RAD51B: variants seen among roughly 807,000 people sequenced by gnomAD.
The protein encoded by RAD51B is RAD51 paralog B, also known as DNA repair protein RAD51 homolog 2.
RAD51B carries 38 observed loss-of-function variants against 42.2 expected under a neutral mutation model. The ratio of observed to expected loss-of-function variants is 0.90; its 90% CI spans 0.70 to 1.18. The LOEUF is 1.18. Ranked by LOEUF, RAD51B falls within the 50% of genes most tolerant of loss-of-function variation. The probability of loss-of-function intolerance (pLI) is 0.00; values close to 1 mark genes in which losing one functional copy is unlikely to be tolerated. For missense variants in RAD51B, 373 were observed against 400.7 expected, an observed-to-expected ratio of 0.93 and a Z score of 0.59; for synonymous variants, 154 against 145.2, an observed-to-expected ratio of 1.06 and a Z score of -0.43.
At chr14:68,235,431 G>A (rs2080228708) in intron 7 of RAD51B, among the ~76,000 whole-genome samples, 1 of 151,782 alleles carries the variant, frequency 6.6e-6, no homozygotes, top group Non-Finnish European at 1.5e-5. Context: ...TCGGCCGGGC[G>A]CGGTGGCTCA....
downstream of RAD51B, among the ~76,000 whole-genome samples, chr14:68,598,087 G>C (rs138607586): frequency 2.0e-3 from 299 of 152,244 alleles, 2 homozygotes; most frequent in Middle Eastern, 3.4e-3. Context: ...TCAAGTACAA[G>C]TAGCTTCCCA....
At position 67,927,891 on chromosome 14, in the gene RAD51B, G is replaced by A. The variant is rs1338127703; in HGVS notation, c.756+40687G>A. Among the ~76,000 whole-genome samples, 4 of 151,402 alleles carry A rather than the reference G, an allele frequency of 2.6e-5. No individual in the cohort carries two copies. In the South Asian group the frequency reaches 6.2e-4, roughly 24 times the overall value. The stretch of plus-strand genomic sequence containing the variant: ...TGGTATGTTATCTTTTGGGTGTGCT[G>A]TTGGATCTAGTTTGGTAGTATTTTG... On this transcript the variant is annotated intron_variant, in intron 7 of 10. Transcript: ENST00000471583.
At chr14:68,046,273 G>T (rs2076298344) in intron 7 of RAD51B, among the ~76,000 whole-genome samples, 1 of 152,076 alleles carries the variant, frequency 6.6e-6, no homozygotes, top group Admixed American at 6.5e-5. Flanking sequence ...ACATGCACAT[G>T]CCACTCTGTC....
downstream of RAD51B, among the ~76,000 whole-genome samples, chr14:68,481,437 G>A (rs558322832): frequency 3.3e-4 from 50 of 152,302 alleles, no homozygotes; most frequent in South Asian, 3.9e-3. Context: ...ATAAGAGAGT[G>A]CCCTATACCC....
Position 68,360,585 on chromosome 14 carries a change from C to T in RAD51B, c.854-50839C>T, listed in dbSNP as rs559842122. On this transcript the variant is annotated intron_variant, in intron 8 of 10. Transcript: ENST00000471583. The stretch of plus-strand genomic sequence containing the variant: ...TCTAATCCTCCCAACAACTCTACAT[C>T]GTATATGATATTGTCTCCTTTTTAG... Among the ~76,000 whole-genome samples, 18 of 152,286 alleles carry T rather than the reference C, an allele frequency of 1.2e-4. No individual in the cohort carries two copies. The South Asian group carries it at 3.7e-3, about 32-fold the overall frequency.
At chr14:68,391,135 TGTC>T (rs905505350) in intron 8 of RAD51B, among the ~76,000 whole-genome samples, 7 of 141,486 alleles carry the variant, frequency 4.9e-5, no homozygotes, top group African/African-American at 1.6e-4. Flanking sequence ...TTATGAGACT[TGTC>T]TTTCTTTCTT....
chr14:67,831,845 A>C (rs1349697155), intron 3 of RAD51B, among the ~76,000 whole-genome samples: 2 of 152,060 alleles, frequency 1.3e-5, no homozygotes, highest in Non-Finnish European at 2.9e-5. Flanking sequence ...CACCCAGCTG[A>C]TTATTCTTTT....
chr14:68,181,478 C>T (rs2140884082), intron 7 of RAD51B, among the ~76,000 whole-genome samples: 1 of 152,302 alleles, frequency 6.6e-6, no homozygotes, highest in Non-Finnish European at 1.5e-5. Flanking sequence ...ACCTTTCTAT[C>T]TGTCCTTGAT....
At chr14:67,956,253 A>T (rs575051761) in intron 7 of RAD51B, among the ~76,000 whole-genome samples, 1 of 152,262 alleles carries the variant, frequency 6.6e-6, no homozygotes, top group South Asian at 2.1e-4. Context: ...TAATCCCAGT[A>T]GTTTGGGAGG....
chr14:68,310,535 G>A (rs941826016), intron 8 of RAD51B, among the ~76,000 whole-genome samples: 1 of 152,162 alleles, frequency 6.6e-6, no homozygotes, highest in African/African-American at 2.4e-5. Flanking sequence ...TGAGGGGGAA[G>A]GGGGCAGTCT....
intron 8 of RAD51B, among the ~76,000 whole-genome samples, chr14:68,331,380 A>AAAAAAAAAAAAAAAAAAAAAAAAAAAC (rs1566813651): frequency 6.7e-6 from 1 of 148,348 alleles, no homozygotes; most frequent in South Asian, 2.2e-4. Context: ...AAAAAAAAAA[A>AAAAAAAAAAAAAAAAAAAAAAAAAAAC]AAAAAGCAAT....
At chr14:68,427,197 C>T (rs2084872583) in intron 9 of RAD51B, among the ~76,000 whole-genome samples, 1 of 152,226 alleles carries the variant, frequency 6.6e-6, no homozygotes, top group African/African-American at 2.4e-5. Context: ...TGGCAGAGAG[C>T]CCCATCTAGG....
intron 7 of RAD51B, among the ~76,000 whole-genome samples, chr14:68,129,439 A>G (rs2140669469): frequency 6.6e-6 from 1 of 152,282 alleles, no homozygotes; most frequent in African/African-American, 2.4e-5. Flanking sequence ...CAACTGCTAC[A>G]TTGTACCTAG....
chr14:68,681,729 C>A (rs138078299), intron 11 of RAD51B, among the ~76,000 whole-genome samples: 1 of 152,310 alleles, frequency 6.6e-6, no homozygotes, highest in East Asian at 1.9e-4. Context: ...AAATAACCTC[C>A]CTCCTGTTCA....
At chr14:68,581,566 C>T (rs545575386) in intron 10 of RAD51B, among the ~76,000 whole-genome samples, 4 of 152,196 alleles carry the variant, frequency 2.6e-5, no homozygotes, top group South Asian at 2.1e-4. Context: ...AAAGAAATGT[C>T]GGGCCTCATA....
At chr14:68,311,474 C>G (rs1475002374) in intron 8 of RAD51B, among the ~76,000 whole-genome samples, 2 of 152,182 alleles carry the variant, frequency 1.3e-5, no homozygotes, top group East Asian at 1.9e-4. Flanking sequence ...AATCTTTAAG[C>G]TATCTCAGCT....
chr14:68,481,482 C>T (rs1424866967), downstream of RAD51B, among the ~76,000 whole-genome samples: 1 of 152,228 alleles, frequency 6.6e-6, no homozygotes, highest in African/African-American at 2.4e-5. Flanking sequence ...CTCTCCTGCC[C>T]AAGGCCCTCC....
chr14:68,091,835 T>C (rs866887959), intron 7 of RAD51B, among the ~76,000 whole-genome samples: 3 of 152,228 alleles, frequency 2.0e-5, no homozygotes, highest in Non-Finnish European at 4.4e-5. Flanking sequence ...GTTTTAGGTC[T>C]AACATGTAAG....
At chr14:68,394,105 G>A (rs2083841609) in intron 8 of RAD51B, among the ~76,000 whole-genome samples, 1 of 152,124 alleles carries the variant, frequency 6.6e-6, no homozygotes, top group African/African-American at 2.4e-5. Flanking sequence ...GCAGGTGTAG[G>A]GAGAGGTCAA....
Sources: gnomAD v4.1 joint callset for allele counts (sites outside exome capture counted in the v4.1 genomes callset) on GRCh38, gnomAD v4.1.1 for gene constraint, MANE v1.5 for transcripts, NCBI Gene and HGNC (gene_info 2026-07-23, HGNC 2026-07-21) for gene names.